The following TIA1 variants were observed in gnomAD, a reference collection of about 807,000 sequenced individuals.
The protein encoded by TIA1 is cytotoxic granule associated RNA binding protein TIA1.
TIA1 carries 23 observed loss-of-function variants against 65.9 expected under a neutral mutation model. The observed-to-expected ratio is 0.35, with a 90% CI of 0.25 to 0.49. TIA1 has a LOEUF of 0.49. TIA1 is among the 20% of genes least tolerant of loss of function. The pLI is 0.98. For synonymous variants in TIA1, 147 were observed against 149.4 expected (o/e 0.98, Z 0.12); for missense variants, 371 against 477.9 (o/e 0.78, Z 2.09).
chr2:70,221,021 T>C (rs1289993245), intron 7 of TIA1, among the ~76,000 whole-genome samples: 1 of 151,852 alleles, frequency 6.6e-6, no homozygotes, highest in Non-Finnish European at 1.5e-5. Flanking sequence ...ATATATATAT[T>C]TTTGAGACGG....
chr2:70,236,199 T>G (rs767981795), intron 1 of TIA1, 24 bp from the exon 2 acceptor site: 1 of 1,483,970 alleles, frequency 6.7e-7, no homozygotes, highest in South Asian at 1.2e-5. Flanking sequence ...AGAAACAATT[T>G]ACCTTTTTTT....
rs79881243 is a variant in TIA1 at position 70,221,798 on chromosome 2, A to T, written c.474+2756T>A. Among the ~76,000 whole-genome samples the T allele has an allele frequency of 4.3e-3, 648 of 149,504 alleles. 3 individuals are homozygous for T. Among genetic ancestry groups the T allele is most frequent in the African/African-American group, 0.014 (574 of 40,716 alleles). On this transcript the variant is annotated intron_variant, in intron 7 of 12. Coordinates refer to ENST00000433529, the MANE Select transcript of TIA1 (RefSeq NM_022173.4). Reference sequence around the variant, plus strand: ...CTGAATTGTATACTTTAAAAAAAAAATTTTTTTTTTTGAGACAGGGTCTCT... The same window carrying T: ...CTGAATTGTATACTTTAAAAAAAAATTTTTTTTTTTTGAGACAGGGTCTCT...
In TIA1 at chr2:70,209,717, A is replaced by G; in HGVS notation, c.*3002T>C. ...CGTGAAATAAAGAACATTATTTGAG[A>G]GAAAAAAACTGATTTTTTTTAAAGA... On this transcript the variant is annotated 3_prime_UTR_variant, in exon 13 of 13. Coordinates refer to ENST00000433529, the MANE Select transcript of TIA1 (RefSeq NM_022173.4). The G allele has an allele frequency of 2.5e-6, 1 of 398,126 alleles. No individual in the cohort carries two copies. Among genetic ancestry groups the G allele is most frequent in the Non-Finnish European group, 4.4e-6 (1 of 225,860 alleles). The allele number at this position is 398,126 out of a possible 1,614,324, so 24.7% of individuals were successfully genotyped here. A position where few individuals can be genotyped will look rare whatever the true frequency, so the allele number is the denominator to read the frequency against.
intron 2 of TIA1, 47 bp downstream of exon 2, chr2:70,236,032 T>A: frequency 4.4e-6 from 5 of 1,146,060 alleles, no homozygotes; most frequent in Non-Finnish European, 6.4e-6. Flanking sequence ...CTTTAAGTAA[T>A]GTGTAAAAAA....
intron 10 of TIA1, 56 bp downstream of exon 10, chr2:70,216,152 T>G (rs1573207018): frequency 1.5e-6 from 2 of 1,290,866 alleles, no homozygotes; most frequent in East Asian, 5.1e-5. Context: ...TTATTTATTT[T>G]CTGGTTTTCC....
intron 12 of TIA1, 102 bp downstream of exon 12, chr2:70,214,247 A>G (rs999412217): frequency 8.5e-6 from 11 of 1,290,408 alleles, no homozygotes; most frequent in South Asian, 6.3e-5. Context: ...TACGCTTTAC[A>G]TAAGAGGCCC....
intron 12 of TIA1, 136 bp from the exon 13 acceptor site, chr2:70,212,981 A>G (rs1478546210): frequency 8.1e-6 from 5 of 617,412 alleles, no homozygotes; most frequent in African/African-American, 5.5e-5. Flanking sequence ...AGAATAATTT[A>G]TGCTAGGGAA....
intron 9 of TIA1, 41 bp downstream of exon 9, chr2:70,216,363 G>C (rs1304878191): frequency 2.1e-5 from 34 of 1,589,564 alleles, no homozygotes; most frequent in Non-Finnish European, 2.8e-5. Context: ...ATTAAGCTTT[G>C]CACTTTAAAA....
At chr2:70,220,274 G>A (rs1680687113) in intron 7 of TIA1, among the ~76,000 whole-genome samples, 1 of 152,072 alleles carries the variant, frequency 6.6e-6, no homozygotes, top group Non-Finnish European at 1.5e-5. Context: ...TGGGCATGGT[G>A]TTGCAACACC....
intron 2 of TIA1, among the ~76,000 whole-genome samples, chr2:70,233,751 G>C (rs1287584986): frequency 3.3e-5 from 5 of 150,286 alleles, no homozygotes; most frequent in Non-Finnish European, 5.9e-5. Flanking sequence ...GGGCAACAGA[G>C]TGAGACTCTG....
chr2:70,216,199 C>T lies in TIA1; in HGVS notation c.764+9G>A. Reference sequence around the variant, plus strand: ...CAAGAAAAATGTTTTTTTAAAAAACCATCCCTACCGAACAAATGAATATCC... The same window carrying T: ...CAAGAAAAATGTTTTTTTAAAAAACTATCCCTACCGAACAAATGAATATCC... On this transcript the variant is annotated intron_variant, in intron 10 of 12. Coordinates refer to ENST00000433529, the MANE Select transcript of TIA1 (RefSeq NM_022173.4). 6.5e-7 allele frequency: 1 copy of T among 1,540,242 alleles called. No homozygotes were observed. Among genetic ancestry groups the T allele is most frequent in the South Asian group, 1.3e-5 (1 of 77,708 alleles).
chr2:70,224,955 A>G, intron 6 of TIA1: 1 of 1,063,788 alleles, frequency 9.4e-7, no homozygotes, highest in South Asian at 3.5e-5. Flanking sequence ...TAAAGTTCAC[A>G]GGACATTAGA....
intron 12 of TIA1, among the ~76,000 whole-genome samples, chr2:70,213,730 C>T (rs1264345927): frequency 1.3e-5 from 2 of 151,984 alleles, no homozygotes; most frequent in Non-Finnish European, 2.9e-5. Context: ...CAGCTCACTG[C>T]AACCTCCGCC....
chr2:70,218,274 A>G (rs1030939457), intron 7 of TIA1, among the ~76,000 whole-genome samples: 1 of 152,224 alleles, frequency 6.6e-6, no homozygotes, highest in East Asian at 1.9e-4. Context: ...AGTAGAGAGA[A>G]AAGTATTGCA....
intron 1 of TIA1, among the ~76,000 whole-genome samples, chr2:70,236,583 CCT>C (rs1689062090): frequency 6.6e-6 from 1 of 151,864 alleles, no homozygotes; most frequent in Non-Finnish European, 1.5e-5. Flanking sequence ...GCCTTGGTCC[CCT>C]GAGTAACGGA....
chr2:70,221,124 A>T (rs1320353891), intron 7 of TIA1, among the ~76,000 whole-genome samples: 5 of 152,052 alleles, frequency 3.3e-5, no homozygotes, highest in Non-Finnish European at 7.4e-5. Flanking sequence ...CTCCTGCCTC[A>T]GCCTCCTGAG....
At chr2:70,234,114 G>C (rs979702398) in intron 2 of TIA1, among the ~76,000 whole-genome samples, 3 of 152,204 alleles carry the variant, frequency 2.0e-5, no homozygotes, top group African/African-American at 7.2e-5. Flanking sequence ...GCCAGAGAGA[G>C]AGTAGCAGCA....
rs1213219472 is a variant in TIA1 at position 70,224,558 on chromosome 2, T to C, written c.470A>G (p.Lys157Arg). ...TGCACTTCTCACTGAGCTCACCCAT[T>C]TGTTGAAAAAGGAGACAAAGCCATA... ...KGYGFVSFFN[K>R]WDAENAIQQM... The change falls in exon 7 of 13, where the codon AAA (lysine) becomes AGA (arginine). Residue 157 changes from lysine to arginine, a missense_variant. Physicochemically the swap from Lys to Arg is conservative, Grantham distance 26. Transcript: ENST00000433529. The C allele has an allele frequency of 6.2e-7, 1 of 1,614,008 alleles. No individual in the cohort carries two copies. The highest frequency in any genetic ancestry group is 8.5e-7 in the Non-Finnish European group (1 of 1,179,976).
chr2:70,224,482 T>A lies in TIA1; in HGVS notation c.474+72A>T, dbSNP rs758428787. 2.5e-6 allele frequency: 4 copies of A among 1,590,634 alleles called. No individual in the cohort carries two copies. The South Asian group carries it at 4.5e-5, about 18-fold the overall frequency. On this transcript the variant is annotated intron_variant, in intron 7 of 12. Transcript: ENST00000433529. Reference sequence around the variant, plus strand: ...AAATAAACAGCAGACGAAAAAAAGATTAGTAATTAAAACGGAGTGTTTCCA... The same window carrying A: ...AAATAAACAGCAGACGAAAAAAAGAATAGTAATTAAAACGGAGTGTTTCCA...
Sources: gnomAD v4.1 joint callset for allele counts (sites outside exome capture counted in the v4.1 genomes callset) on GRCh38, gnomAD v4.1.1 for gene constraint, MANE v1.5 for transcripts, NCBI Gene and HGNC (gene_info 2026-07-23, HGNC 2026-07-21) for gene names.